The following PIK3CD variants were observed in gnomAD, a reference collection of about 807,000 sequenced individuals.
The protein encoded by PIK3CD is phosphatidylinositol-4,5-bisphosphate 3-kinase catalytic subunit delta, also known as phosphatidylinositol 4,5-bisphosphate 3-kinase catalytic subunit delta isoform.
Under a neutral mutation model 122.9 loss-of-function variants are expected in PIK3CD, and 20 were observed. The observed-to-expected ratio is 0.16, with a 90% CI of 0.11 to 0.24. The LOEUF is 0.24. PIK3CD is among the 10% of genes least tolerant of loss of function. The pLI, the probability that PIK3CD is intolerant of heterozygous loss-of-function variation, is 1.00. For synonymous variants in PIK3CD, 596 were observed against 593.4 expected (o/e 1.00, Z -0.06); for missense variants, 787 against 1,406.3 (o/e 0.56, Z 7.04).
At chr1:9,660,313 G>GT (rs1435077457) in intron 1 of PIK3CD, among the ~76,000 whole-genome samples, 3 of 152,230 alleles carry the variant, frequency 2.0e-5, no homozygotes, top group African/African-American at 7.2e-5. Flanking sequence ...GGTGGACAGA[G>GT]ACCTGTTGAA....
chr1:9,688,691 G>A (rs1433959490), intron 1 of PIK3CD, among the ~76,000 whole-genome samples: 1 of 152,168 alleles, frequency 6.6e-6, no homozygotes, highest in African/African-American at 2.4e-5. Context: ...AGCTGAGTGA[G>A]GTGGTGCGCA....
At chr1:9,701,501 GTC>G (rs897968413) in intron 2 of PIK3CD, among the ~76,000 whole-genome samples, 1 of 152,050 alleles carries the variant, frequency 6.6e-6, no homozygotes, top group Non-Finnish European at 1.5e-5. Flanking sequence ...GCAAAACCCT[GTC>G]TCTACTAAAA....
At chr1:9,725,030 C>G (rs1411951213) in intron 23 of PIK3CD, 94 bp downstream of exon 23, 1 of 1,447,008 alleles carries the variant, frequency 6.9e-7, no homozygotes. Flanking sequence ...GCAGTAGGCC[C>G]CAAAGGGCAC....
Position 9,687,347 on chromosome 1 carries a change from C to A in PIK3CD, c.-137-4120C>A, listed in dbSNP as rs1211928163. ...TCATTGTACTTACCAGGTTGGGGGGCTCTGCACCCAGAACTCCTCCCAGCC... is the reference window on the plus strand; with the variant it reads ...TCATTGTACTTACCAGGTTGGGGGGATCTGCACCCAGAACTCCTCCCAGCC... On this transcript the variant is annotated intron_variant, in intron 1 of 23. Transcript: ENST00000377346. The A allele has an allele frequency of 6.6e-5, 10 of 152,332 alleles. No individual in the cohort carries two copies. In the East Asian group the frequency reaches 1.4e-3, roughly 21 times the overall value. 9.4% of individuals were successfully genotyped at this position (152,332 alleles called of 1,614,324 possible).
At chr1:9,713,853 C>CTTTTTTT (rs59908140) in intron 3 of PIK3CD, among the ~76,000 whole-genome samples, 1 of 131,772 alleles carries the variant, frequency 7.6e-6, no homozygotes, top group Non-Finnish European at 1.6e-5. Context: ...TATTTTTATA[C>CTTTTTTT]TTTTTTTTTT....
intron 1 of PIK3CD, among the ~76,000 whole-genome samples, chr1:9,679,413 C>T (rs1397074823): frequency 2.0e-5 from 3 of 152,074 alleles, no homozygotes; most frequent in Non-Finnish European, 4.4e-5. Flanking sequence ...ATGTTGACTT[C>T]TCATGCTGGG....
At chr1:9,645,108 C>T in the PIK3CD span, among the ~76,000 whole-genome samples, 1 of 150,718 alleles carries the variant, frequency 6.6e-6, no homozygotes, top group Admixed American at 6.6e-5. Flanking sequence ...TCACTGCCAC[C>T]TCCGCCTCCT....
chr1:9,654,477 G>A (rs773177182), intron 1 of PIK3CD: 1 of 645,502 alleles, frequency 1.5e-6, no homozygotes, highest in Non-Finnish European at 2.0e-6. Flanking sequence ...TCCACCAATG[G>A]TTGTGCGAAA....
chr1:9,673,869 G>A (rs553898077), intron 1 of PIK3CD, among the ~76,000 whole-genome samples: 46 of 152,184 alleles, frequency 3.0e-4, no homozygotes, highest in East Asian at 1.2e-3. Context: ...TCACACCCAG[G>A]GTGCACCCTC....
chr1:9,711,128 C>T (rs561307028), intron 3 of PIK3CD, among the ~76,000 whole-genome samples: 1 of 152,234 alleles, frequency 6.6e-6, no homozygotes, highest in East Asian at 1.9e-4. Flanking sequence ...CAATCTCGCT[C>T]TGTCACCTAG....
upstream of PIK3CD, among the ~76,000 whole-genome samples, chr1:9,651,302 G>A (rs1324097925): frequency 6.6e-6 from 1 of 152,164 alleles, no homozygotes; most frequent in Non-Finnish European, 1.5e-5. Flanking sequence ...CATTTTGGGT[G>A]TGTGTCCTGA....
At chr1:9,660,300 A>G (rs1346332760) in intron 1 of PIK3CD, among the ~76,000 whole-genome samples, 1 of 152,246 alleles carries the variant, frequency 6.6e-6, no homozygotes, top group African/African-American at 2.4e-5. Context: ...CGTTGTGAAC[A>G]TGGGTGGACA....
intron 2 of PIK3CD, among the ~76,000 whole-genome samples, chr1:9,706,123 G>A (rs1457934121): frequency 8.1e-6 from 1 of 123,702 alleles, no homozygotes; most frequent in Admixed American, 1.1e-4. Flanking sequence ...TCAAACTCAA[G>A]CAATCCACCT....
In PIK3CD at chr1:9,710,531, C is replaced by T. The variant is rs2100769556; in HGVS notation, c.76C>T (p.Leu26=). 6.2e-7 allele frequency: 1 copy of T among 1,614,062 alleles called. No homozygotes were observed. Among genetic ancestry groups the T allele is most frequent in the Non-Finnish European group, 8.5e-7 (1 of 1,179,974 alleles). ...ENQSVVVDFL[L]PTGVYLNFPV... ...TCAGAGCGTTGTGGTTGACTTCCTGCTGCCCACAGGGGTCTACCTGAACTT... is the reference window on the plus strand; with the variant it reads ...TCAGAGCGTTGTGGTTGACTTCCTGTTGCCCACAGGGGTCTACCTGAACTT... The change falls in exon 3 of 24, where the codon CTG becomes TTG. Residue 26 remains leucine (L), a synonymous_variant. Transcript: ENST00000377346. This position sits in a 1 kb window ranked among gnomAD's most constrained non-coding sequence, Gnocchi z 4.7.
Position 9,720,302 on chromosome 1 carries a change from C to A in PIK3CD, c.1470+60C>A. 6.4e-7 allele frequency: 1 copy of A among 1,555,904 alleles called. No individual in the cohort carries two copies. On this transcript the variant is annotated intron_variant, in intron 11 of 23. Transcript: ENST00000377346. The surrounding 1 kb of genome is among the most constrained non-coding windows in gnomAD (Gnocchi z 9.0). ...CTGGCGCGGAGCTCTCCTGGCCCTG[C>A]TCCTGGAGCTCTTCAGAGGGTGCTC...
chr1:9,719,892 C>T lies in PIK3CD; in HGVS notation c.1243-29C>T, dbSNP rs776304585. 5.0e-6 allele frequency: 8 copies of T among 1,593,812 alleles called. No homozygotes were observed. The highest frequency in any genetic ancestry group is 6.9e-6 in the Non-Finnish European group (8 of 1,162,222). ...GCTGGGTCTGGAGGCCCCTGAGTGG[C>T]TGTCCTCACCTGCCCTGTCCTTCTG... On this transcript the variant is annotated intron_variant, in intron 9 of 23. Transcript: ENST00000377346. This position sits in a 1 kb window ranked among gnomAD's most constrained non-coding sequence, Gnocchi z 5.5.
chr1:9,647,479 CTAAT>C (rs532356611), upstream of PIK3CD, among the ~76,000 whole-genome samples: 143 of 108,136 alleles, frequency 1.3e-3, no homozygotes, highest in African/African-American at 5.0e-3. Flanking sequence ...ATTCATGATT[CTAAT>C]TATTATTATT....
intron 13 of PIK3CD, 65 bp from the exon 14 acceptor site, chr1:9,721,062 C>A: frequency 6.7e-7 from 1 of 1,498,534 alleles, no homozygotes; most frequent in Non-Finnish European, 9.2e-7. Flanking sequence ...CTGGCCATCA[C>A]CCTTACCCTG....
At chr1:9,653,691 C>T (rs994849876) in intron 1 of PIK3CD, 5 of 769,478 alleles carry the variant, frequency 6.5e-6, no homozygotes, top group East Asian at 5.2e-5. Context: ...TGCGACCAAA[C>T]GCAAGGAGAT....
Sources: gnomAD v4.1 joint callset for allele counts (sites outside exome capture counted in the v4.1 genomes callset) on GRCh38, gnomAD v4.1.1 for gene constraint, Gnocchi (gnomAD v3.1) non-coding constraint, MANE v1.5 for transcripts, NCBI Gene and HGNC (gene_info 2026-07-23, HGNC 2026-07-21) for gene names.